The following NAA60 variants were observed in gnomAD, a reference collection of about 807,000 sequenced individuals.
NAA60 encodes the protein N-alpha-acetyltransferase 60.
Under a neutral mutation model 26.1 loss-of-function variants are expected in NAA60, and 8 were observed. That is an observed-to-expected ratio of 0.31 (90% CI 0.18 to 0.55). The LOEUF (loss-of-function observed/expected upper bound fraction) is 0.55, where lower values mean the gene tolerates loss of function less well. Among genes scored for constraint, NAA60 ranks in the 20% least tolerant of loss-of-function variants. The probability of loss-of-function intolerance (pLI) is 0.93; values close to 1 mark genes in which losing one functional copy is unlikely to be tolerated. For synonymous variants in NAA60, 131 were observed against 122.5 expected, an observed-to-expected ratio of 1.07 and a Z score of -0.46; for missense variants, 290 against 311.3, an observed-to-expected ratio of 0.93 and a Z score of 0.51.
intron 7 of NAA60, 169 bp downstream of exon 7, chr16:3,485,230 C>A: frequency 1.5e-6 from 1 of 674,184 alleles, no homozygotes; most frequent in Non-Finnish European, 2.7e-6. Context: ...TTGTGCCAAG[C>A]TAACACAGCA....
chr16:3,446,258 G>A (rs535810674), intron 1 of NAA60, among the ~76,000 whole-genome samples: 2 of 152,290 alleles, frequency 1.3e-5, no homozygotes, highest in Admixed American at 1.3e-4. Flanking sequence ...AAGGCTGGGT[G>A]CGGTGGCTCA....
At position 3,485,148 on chromosome 16, in the gene NAA60, G is replaced by A. The variant is rs964485596; in HGVS notation, c.*206+87G>A. The stretch of plus-strand genomic sequence containing the variant: ...CCCTGGATGGGCACAGAGAACGGCA[G>A]AGCCGGAAGGGGCCGTGGGGACTGC... On this transcript the variant is annotated intron_variant, in intron 7 of 7. Transcript: ENST00000407558. 17 of 829,932 alleles carry A rather than the reference G, an allele frequency of 2.0e-5. No individual in the cohort carries two copies. The African/African-American group carries it at 2.7e-4, about 13-fold the overall frequency. The allele number at this position is 829,932 out of a possible 1,614,324, so 51.4% of individuals were successfully genotyped here.
At chr16:3,482,375 T>C in intron 4 of NAA60, 127 bp from the exon 5 acceptor site, 1 of 740,224 alleles carries the variant, frequency 1.4e-6, no homozygotes, top group Admixed American at 2.1e-5. Flanking sequence ...CTCTTGATTC[T>C]GCCCCTCCCA....
At chr16:3,468,411 C>G (rs924889190) in intron 2 of NAA60, among the ~76,000 whole-genome samples, 1 of 152,200 alleles carries the variant, frequency 6.6e-6, no homozygotes, top group Non-Finnish European at 1.5e-5. Flanking sequence ...AGACCCTATT[C>G]TCCTGCCTCA....
Position 3,483,492 on chromosome 16 carries a change from A to G in NAA60, c.467A>G (p.Lys156Arg), listed in dbSNP as rs1211026792. The G allele has an allele frequency of 3.1e-6, 5 of 1,614,006 alleles. No individual in the cohort carries two copies. Among genetic ancestry groups the G allele is most frequent in the Non-Finnish European group, 1.7e-6 (2 of 1,179,880 alleles). Residue 156 changes from lysine to arginine, a missense_variant, in exon 6 of 8, where the codon AAG (lysine) becomes AGG (arginine). Coordinates refer to ENST00000407558, the MANE Select transcript of NAA60 (RefSeq NM_001083601.3). ...AACTTCTATGAAAACAGAGACTTCAAGCAGCACCACTATCTCCCCTATTAC... is the reference window on the plus strand; with the variant it reads ...AACTTCTATGAAAACAGAGACTTCAGGCAGCACCACTATCTCCCCTATTAC... ...AINFYENRDF[K>R]QHHYLPYYYS...
At chr16:3,448,759 A>G (rs901033326) in intron 2 of NAA60, 1 of 470,374 alleles carries the variant, frequency 2.1e-6, no homozygotes, top group Non-Finnish European at 3.8e-6. Flanking sequence ...ATACAGTACA[A>G]GTATGCCAGC....
chr16:3,479,390 C>G, intron 3 of NAA60, 81 bp from the exon 4 acceptor site: 1 of 1,503,994 alleles, frequency 6.6e-7, no homozygotes, highest in Admixed American at 1.9e-5. Context: ...CCCAGAGCTC[C>G]CTGTGGTTCT....
intron 3 of NAA60, among the ~76,000 whole-genome samples, chr16:3,476,553 G>C (rs1056281516): frequency 1.3e-5 from 2 of 152,200 alleles, no homozygotes; most frequent in Non-Finnish European, 2.9e-5. Flanking sequence ...TCCCCAGAAG[G>C]GCTCTGTGAG....
At chr16:3,481,238 C>T (rs772302009) in intron 4 of NAA60, among the ~76,000 whole-genome samples, 12 of 151,984 alleles carry the variant, frequency 7.9e-5, no homozygotes, top group African/African-American at 2.4e-4. Context: ...TTTAGACGTG[C>T]GCCACCACAC....
intron 2 of NAA60, among the ~76,000 whole-genome samples, chr16:3,470,144 A>G (rs531224011): frequency 2.0e-5 from 3 of 152,300 alleles, no homozygotes; most frequent in Non-Finnish European, 2.9e-5. Context: ...CACATACTCC[A>G]GGGGTGACTG....
At position 3,480,878 on chromosome 16, in the gene NAA60, C is replaced by T. The variant is rs75118867; in HGVS notation, c.240+1278C>T. ...GAGCGGAGATTGCACTTTTGCACTC[C>T]AGCCTGGGTGACAGAGTGAGACTCT... On this transcript the variant is annotated intron_variant, in intron 4 of 7. Transcript: ENST00000407558. Among the ~76,000 whole-genome samples, 7 of 152,240 alleles carry T rather than the reference C, an allele frequency of 4.6e-5. No homozygotes were observed. In the East Asian group the frequency reaches 1.4e-3, roughly 29 times the overall value.
Position 3,457,530 on chromosome 16 carries a change from G to C in NAA60, c.-7+8990G>C, listed in dbSNP as rs561196654. ...AAGTTGCCTGTTTTACTCAGGGACA[G>C]CCCTAAACTGCCTTTCGCCAGAATC... On this transcript the variant is annotated intron_variant, in intron 2 of 7. Transcript: ENST00000407558. Among the ~76,000 whole-genome samples the C allele has an allele frequency of 5.3e-5, 8 of 152,366 alleles. No homozygotes were observed. In the East Asian group the frequency reaches 1.3e-3, roughly 26 times the overall value.
chr16:3,458,619 A>G (rs2035161041), intron 2 of NAA60, among the ~76,000 whole-genome samples: 1 of 152,190 alleles, frequency 6.6e-6, no homozygotes, highest in Non-Finnish European at 1.5e-5. Flanking sequence ...TGGCCTGGTC[A>G]GGGCCTGTTT....
At chr16:3,479,426 G>A in intron 3 of NAA60, 45 bp from the exon 4 acceptor site, 1 of 1,605,338 alleles carries the variant, frequency 6.2e-7, no homozygotes, top group East Asian at 2.2e-5. Context: ...ACCATAGTTG[G>A]ACTTGACCTG....
chr16:3,472,939 C>T (rs1436123114), intron 2 of NAA60, among the ~76,000 whole-genome samples: 5 of 152,232 alleles, frequency 3.3e-5, no homozygotes, highest in Non-Finnish European at 5.9e-5. Flanking sequence ...CAAGACTCTT[C>T]TCACACCTGA....
Position 3,483,326 on chromosome 16 carries a change from T to C in NAA60, c.338-37T>C, listed in dbSNP as rs373826286. 10 of 1,481,900 alleles carry C rather than the reference T, an allele frequency of 6.7e-6. No individual in the cohort carries two copies. In the Admixed American group the frequency reaches 7.8e-5, roughly 11 times the overall value. 91.8% of individuals were successfully genotyped at this position (1,481,900 alleles called of 1,614,324 possible). On this transcript the variant is annotated intron_variant, in intron 5 of 7. Transcript: ENST00000407558. ...AGCCCAGTCATCCTTCCTTCCTAAC[T>C]GCTCTGCCTGCATTACCTTTACCTC... is the stretch of plus-strand genomic sequence containing the variant.
At chr16:3,470,606 T>TGA (rs1555487300) in intron 2 of NAA60, among the ~76,000 whole-genome samples, 1 of 151,478 alleles carries the variant, frequency 6.6e-6, no homozygotes, top group African/African-American at 2.4e-5. Context: ...ACGGATACAC[T>TGA]GGGGAGACGG....
chr16:3,459,531 G>A (rs1186554886), intron 2 of NAA60, among the ~76,000 whole-genome samples: 1 of 152,204 alleles, frequency 6.6e-6, no homozygotes, highest in African/African-American at 2.4e-5. Context: ...GTTCATCACA[G>A]CAGTGAAGGC....
At chr16:3,485,324 C>T (rs1429163551) in intron 7 of NAA60, 143 bp from the exon 8 acceptor site, 2 of 504,312 alleles carry the variant, frequency 4.0e-6, no homozygotes, top group Admixed American at 4.6e-5. Context: ...CGCCTAGTGG[C>T]TGCAGGCAGA....
Sources: allele counts gnomAD v4.1 joint callset (sites outside exome capture counted in the v4.1 genomes callset), GRCh38; gene constraint gnomAD v4.1.1; transcripts MANE v1.5; gene names NCBI Gene and HGNC (gene_info 2026-07-23, HGNC 2026-07-21).